The following SH2B1 variants were observed in gnomAD, a reference collection of about 807,000 sequenced individuals.
The protein encoded by SH2B1 is SH2B adapter protein 1.
SH2B1 carries 15 observed loss-of-function variants against 62.6 expected under a neutral mutation model. The observed-to-expected ratio is 0.24, with a 90% CI of 0.16 to 0.37. The LOEUF (loss-of-function observed/expected upper bound fraction) is 0.37. SH2B1 is among the 10% of genes least tolerant of loss of function. SH2B1 has a pLI of 1.00. For missense variants in SH2B1, 925 were observed against 1,015.6 expected, an observed-to-expected ratio of 0.91 and a Z score of 1.21; for synonymous variants, 443 against 438.0, an observed-to-expected ratio of 1.01 and a Z score of -0.14.
intron 1 of SH2B1, among the ~76,000 whole-genome samples, chr16:28,854,134 A>T (rs891537637): frequency 6.6e-6 from 1 of 151,754 alleles, no homozygotes; most frequent in African/African-American, 2.4e-5. Flanking sequence ...TCTACAAAAA[A>T]TTTGAAAAAT....
At chr16:28,871,230 C>T (rs1177012517) in intron 4 of SH2B1, among the ~76,000 whole-genome samples, 1 of 152,114 alleles carries the variant, frequency 6.6e-6, no homozygotes, top group Non-Finnish European at 1.5e-5. Flanking sequence ...GTTGCCCAGG[C>T]TGCTCTCGAA....
intron 1 of SH2B1, among the ~76,000 whole-genome samples, chr16:28,852,771 T>C (rs749630935): frequency 6.2e-5 from 4 of 64,462 alleles, no homozygotes; most frequent in East Asian, 4.8e-4. Flanking sequence ...TATATATATT[T>C]ATATATATAT....
chr16:28,849,609 TAAAAG>T (rs760416475), intron 1 of SH2B1, among the ~76,000 whole-genome samples: 39 of 152,140 alleles, frequency 2.6e-4, no homozygotes, highest in Middle Eastern at 3.4e-3. Context: ...CAGATCAACT[TAAAAG>T]AATATTGTTT....
At chr16:28,852,973 A>G (rs1432926430) in intron 1 of SH2B1, among the ~76,000 whole-genome samples, 2 of 55,922 alleles carry the variant, frequency 3.6e-5, no homozygotes, top group Non-Finnish European at 7.1e-5. Context: ...ATATATATGT[A>G]CATATATATT....
chr16:28,865,056 C>T lies in SH2B1; in HGVS notation c.-1039C>T. 1 of 984,198 alleles carries T rather than the reference C, an allele frequency of 1.0e-6. No individual in the cohort carries two copies. The highest frequency in any genetic ancestry group is 1.2e-6 in the Non-Finnish European group (1 of 828,770). 61.0% of individuals were successfully genotyped at this position (984,198 alleles called of 1,614,324 possible). ...TAAGGTGGTTTGAGCCCTGGTCTGA[C>T]TCAAGTCCATGGCCTTAACCAGAAG... On this transcript the variant is annotated 5_prime_UTR_variant, in exon 1 of 8. Coordinates refer to ENST00000684370, the MANE Select transcript of SH2B1 (RefSeq NM_001387430.1).
chr16:28,853,015 TATATATGTAC>T (rs1165472437), intron 1 of SH2B1, among the ~76,000 whole-genome samples: 1 of 34,412 alleles, frequency 2.9e-5, no homozygotes, highest in Non-Finnish European at 4.7e-5. Flanking sequence ...CATATATATT[TATATATGTAC>T]ATATATATGT....
chr16:28,865,913 T>C lies in SH2B1; in HGVS notation c.-182T>C, dbSNP rs1315979797. On this transcript the variant is annotated 5_prime_UTR_variant, in exon 1 of 8. Coordinates refer to ENST00000684370, the MANE Select transcript of SH2B1 (RefSeq NM_001387430.1). ...CCCTTCCCCATTGCTCTCTGCGGAG[T>C]CTGAAGTAGGGTCGGACGTCTCTGG... The C allele has an allele frequency of 2.9e-6, 4 of 1,396,596 alleles. No homozygotes were observed. Among genetic ancestry groups the C allele is most frequent in the Non-Finnish European group, 3.7e-6 (4 of 1,080,628 alleles). 86.5% of individuals were successfully genotyped at this position (1,396,596 alleles called of 1,614,324 possible). A position where few individuals can be genotyped will look rare whatever the true frequency, so the allele number is the denominator to read the frequency against.
At position 28,871,839 on chromosome 16, in the gene SH2B1, A is replaced by G; in HGVS notation, c.1369A>G (p.Ile457Val). ...ATCCATCTCCCCCAGCTCTGCCTCC[A>G]TTGCCGCCTCCCATTTTGACTCGAT... ...SASISPSSAS[I>V]AASHFDSMEL... The change falls in exon 5 of 8, where the codon ATT becomes GTT. Residue 457 changes from isoleucine to valine, a missense_variant. Ile to Val is a conservative substitution (Grantham distance 29). Transcript: ENST00000684370. 5.0e-6 allele frequency: 8 copies of G among 1,612,020 alleles called. No homozygotes were observed. The highest frequency in any genetic ancestry group is 2.2e-5 in the East Asian group (1 of 44,820).
chr16:28,864,030 G>A lies in SH2B1; in HGVS notation c.-2065G>A. The A allele has an allele frequency of 7.2e-7, 1 of 1,394,828 alleles. No individual in the cohort carries two copies. The highest frequency in any genetic ancestry group is 9.3e-7 in the Non-Finnish European group (1 of 1,074,736). 86.4% of individuals were successfully genotyped at this position (1,394,828 alleles called of 1,614,324 possible). A position where few individuals can be genotyped will look rare whatever the true frequency, so the allele number is the denominator to read the frequency against. ...CTGGCGCCCGAGAGGATTCCTGGGT[G>A]GGGGTGGGCGTGGAGGGCCGGGGGC... On this transcript the variant is annotated 5_prime_UTR_variant, in exon 1 of 8. Coordinates refer to ENST00000684370, the MANE Select transcript of SH2B1 (RefSeq NM_001387430.1).
chr16:28,872,851 C>T lies in SH2B1; in HGVS notation c.1897+146C>T, dbSNP rs116553275. ...CAGGGTAGAGGAGGCTGTTGTGCCT[C>T]GGGGTTTGGAAGGGAAAGAAATGCG... is the stretch of plus-strand genomic sequence containing the variant. On this transcript the variant is annotated intron_variant, in intron 7 of 7. Coordinates refer to ENST00000684370, the MANE Select transcript of SH2B1 (RefSeq NM_001387430.1). The surrounding 1 kb of genome is among the most constrained non-coding windows in gnomAD (Gnocchi z 5.3). 10 of 1,123,100 alleles carry T rather than the reference C, an allele frequency of 8.9e-6. No homozygotes were observed. The highest frequency in any genetic ancestry group is 7.7e-5 in the East Asian group (3 of 38,854). The allele number at this position is 1,123,100 out of a possible 1,614,324, so 69.6% of individuals were successfully genotyped here.
In SH2B1 at chr16:28,864,493, T is replaced by A; in HGVS notation, c.-1602T>A. The A allele has an allele frequency of 1.0e-6, 1 of 985,574 alleles. No homozygotes were observed. Among genetic ancestry groups the A allele is most frequent in the Non-Finnish European group, 1.2e-6 (1 of 830,020 alleles). 61.1% of individuals were successfully genotyped at this position (985,574 alleles called of 1,614,324 possible). A position where few individuals can be genotyped will look rare whatever the true frequency, so the allele number is the denominator to read the frequency against. ...TCCTGCATCTCCTGATTGTTTCTCG[T>A]TGGTTTGGAGTTGTCCCTGCGGTTG... On this transcript the variant is annotated 5_prime_UTR_variant, in exon 1 of 8. In the 5' UTR this introduces an upstream ATG that the reference lacks. Coordinates refer to ENST00000684370, the MANE Select transcript of SH2B1 (RefSeq NM_001387430.1).
Position 28,873,724 on chromosome 16 carries a change from G to GC in SH2B1, c.2180dup (p.Met728AsnfsTer12). ...CTGGGTCTGGTGGGGACGCGGGGGT[G>GC]CCCCCAATGGTGCAGCTGCAGCAGT... is the stretch of plus-strand genomic sequence containing the variant. On this transcript the variant is annotated frameshift_variant, in exon 8 of 8. Coordinates refer to ENST00000684370, the MANE Select transcript of SH2B1 (RefSeq NM_001387430.1). LOFTEE classifies it high-confidence loss of function. This position sits in a 1 kb window ranked among gnomAD's most constrained non-coding sequence, Gnocchi z 4.2. The GC allele has an allele frequency of 6.7e-7, 1 of 1,492,158 alleles. No individual in the cohort carries two copies. The highest frequency in any genetic ancestry group is 1.3e-5 in the South Asian group (1 of 74,612). 92.4% of individuals were successfully genotyped at this position (1,492,158 alleles called of 1,614,324 possible).
At chr16:28,858,943 C>CAAA (rs141782037), upstream of SH2B1, among the ~76,000 whole-genome samples, 4 of 104,516 alleles carry the variant, frequency 3.8e-5, no homozygotes, top group East Asian at 5.0e-4. Flanking sequence ...GACTGTTTCT[C>CAAA]AAAAAAAAAA....
upstream of SH2B1, chr16:28,863,708 C>T: frequency 6.5e-7 from 1 of 1,535,818 alleles, no homozygotes; most frequent in Non-Finnish European, 8.7e-7. Flanking sequence ...GAGATTCACA[C>T]CGTCTTCGGT....
upstream of SH2B1, chr16:28,863,398 T>C: frequency 2.6e-6 from 1 of 378,638 alleles, no homozygotes; most frequent in Non-Finnish European, 4.8e-6. Context: ...ACCCGCTTCT[T>C]TCCTCGCTCA....
Position 28,858,310 on chromosome 16 carries a change from C to T in SH2B1, c.-300-3308C>T, listed in dbSNP as rs527620288. Among the ~76,000 whole-genome samples the T allele has an allele frequency of 9.9e-5, 15 of 151,882 alleles. No individual in the cohort carries two copies. In the South Asian group the frequency reaches 1.3e-3, roughly 13 times the overall value. ...GGTGGCTCACCTGAGGTCAGGAGTTCGAGAGCAGCCTGGCCAACGTGGTGA... is the reference window on the plus strand; with the variant it reads ...GGTGGCTCACCTGAGGTCAGGAGTTTGAGAGCAGCCTGGCCAACGTGGTGA... On this transcript the variant is annotated intron_variant, in intron 1 of 10. Transcript: ENST00000322610.
chr16:28,863,734 C>T (rs1233248135), upstream of SH2B1: 2 of 1,535,776 alleles, frequency 1.3e-6, no homozygotes, highest in South Asian at 1.2e-5. Context: ...GGGGTCGGCG[C>T]CGAGTGGGAG....
Position 28,873,531 on chromosome 16 carries a change from C to T in SH2B1, c.1982C>T (p.Ser661Leu). 1 of 1,604,568 alleles carries T rather than the reference C, an allele frequency of 6.2e-7. No homozygotes were observed. Among genetic ancestry groups the T allele is most frequent in the Non-Finnish European group, 8.5e-7 (1 of 1,176,168 alleles). The change falls in exon 8 of 8, where the codon TCG (serine) becomes TTG (leucine). Residue 661 changes from serine to leucine, a missense_variant. By Grantham distance (145) the Ser-to-Leu change is moderately radical (BLOSUM62 -2). Coordinates refer to ENST00000684370, the MANE Select transcript of SH2B1 (RefSeq NM_001387430.1). The surrounding 1 kb of genome is among the most constrained non-coding windows in gnomAD (Gnocchi z 4.2). ...CCACAGCCTGGGGCAGAAGAGGCGT[C>T]GAGGGCGCCAGAAGTGGCGGCAGCA... ...DPPQPGAEEA[S>L]RAPEVAAAAA...
intron 1 of SH2B1, among the ~76,000 whole-genome samples, chr16:28,858,473 G>A (rs552178513): frequency 6.6e-6 from 1 of 152,158 alleles, no homozygotes; most frequent in Admixed American, 6.5e-5. Context: ...CCAAGATCGC[G>A]CCACTGCACT....
Sources: gnomAD v4.1 joint callset for allele counts (sites outside exome capture counted in the v4.1 genomes callset) on GRCh38, gnomAD v4.1.1 for gene constraint, Gnocchi (gnomAD v3.1) non-coding constraint, MANE v1.5 for transcripts, NCBI Gene and HGNC (gene_info 2026-07-23, HGNC 2026-07-21) for gene names.